The following NDST4 variants were observed in gnomAD, a reference collection of about 807,000 sequenced individuals.
NDST4 encodes the protein N-deacetylase and N-sulfotransferase 4, also known as N-heparan sulfate sulfotransferase 4.
In NDST4, 63 loss-of-function variants were observed where a neutral mutation model predicts 100.8. The observed-to-expected ratio is 0.62, with a 90% confidence interval of 0.51 to 0.77. NDST4 has a LOEUF of 0.77. NDST4 is among the 30% of genes least tolerant of loss of function. The pLI is 0.00. For missense variants in NDST4, 943 were observed against 1,018.4 expected (o/e 0.93, Z 1.01); for synonymous variants, 377 against 361.8 (o/e 1.04, Z -0.48).
intron 6 of NDST4, among the ~76,000 whole-genome samples, chr4:114,905,255 G>C (rs533696611): frequency 7.8e-6 from 1 of 128,124 alleles, no homozygotes; most frequent in Non-Finnish European, 1.5e-5. Context: ...TTGCTAATTG[G>C]TGGAAATAAA....
chr4:114,917,893 A>G (rs1373726605), intron 6 of NDST4, among the ~76,000 whole-genome samples: 5 of 152,210 alleles, frequency 3.3e-5, no homozygotes, highest in East Asian at 1.9e-4. Flanking sequence ...CATAGAAAGC[A>G]TTTGGAAGAT....
At chr4:115,073,096 C>A (rs551450471) in intron 2 of NDST4, among the ~76,000 whole-genome samples, 1 of 151,870 alleles carries the variant, frequency 6.6e-6, no homozygotes, top group African/African-American at 2.4e-5. Context: ...CAGGGAAATG[C>A]GTGTCAAAAC....
chr4:114,859,197 C>T (rs60274600), intron 7 of NDST4, among the ~76,000 whole-genome samples: 4,033 of 152,214 alleles, frequency 0.026, 186 homozygotes, highest in South Asian at 0.17. Flanking sequence ...AGAGGAGAGT[C>T]AGTGAGACAA....
intron 2 of NDST4, among the ~76,000 whole-genome samples, chr4:115,029,442 A>C (rs1342503878): frequency 6.6e-6 from 1 of 152,086 alleles, no homozygotes; most frequent in Non-Finnish European, 1.5e-5. Context: ...TGACTAAGTA[A>C]GTCTAGATTG....
chr4:115,020,733 C>T (rs889312936), intron 2 of NDST4, among the ~76,000 whole-genome samples: 2 of 151,686 alleles, frequency 1.3e-5, no homozygotes, highest in African/African-American at 4.9e-5. Context: ...AACAAAAAAT[C>T]CCTTAAAAAG....
intron 2 of NDST4, among the ~76,000 whole-genome samples, chr4:115,019,553 G>C (rs903329813): frequency 6.6e-6 from 1 of 152,092 alleles, no homozygotes; most frequent in Admixed American, 6.6e-5. Flanking sequence ...CAGTATGTAC[G>C]AGGCCTAGCC....
intron 4 of NDST4, among the ~76,000 whole-genome samples, chr4:114,959,879 A>G (rs1490574304): frequency 1.3e-5 from 2 of 152,226 alleles, no homozygotes; most frequent in Non-Finnish European, 2.9e-5. Flanking sequence ...TATTCAAAAA[A>G]TTATTTCCTA....
At chr4:115,036,201 TA>T (rs2074712123) in intron 2 of NDST4, among the ~76,000 whole-genome samples, 2 of 151,720 alleles carry the variant, frequency 1.3e-5, no homozygotes, top group South Asian at 4.1e-4. Flanking sequence ...AAATGTTTTC[TA>T]ATTTGACTAC....
At chr4:115,011,504 A>G (rs964361399) in intron 2 of NDST4, among the ~76,000 whole-genome samples, 1 of 151,844 alleles carries the variant, frequency 6.6e-6, no homozygotes, top group East Asian at 1.9e-4. Context: ...CACTTCCTTA[A>G]AATGGTTGGT....
intron 1 of NDST4, among the ~76,000 whole-genome samples, chr4:115,112,077 T>TCACA (rs376921280): frequency 6.7e-6 from 1 of 148,564 alleles, no homozygotes; most frequent in Non-Finnish European, 1.5e-5. Flanking sequence ...AACTTGCTAC[T>TCACA]CACACACACA....
At chr4:115,111,576 T>C (rs920284478) in intron 1 of NDST4, among the ~76,000 whole-genome samples, 1 of 151,704 alleles carries the variant, frequency 6.6e-6, no homozygotes, top group African/African-American at 2.4e-5. Context: ...GCATTTTTAT[T>C]TATTATTTAT....
chr4:114,861,505 T>C (rs1309572439), intron 7 of NDST4, among the ~76,000 whole-genome samples: 2 of 152,194 alleles, frequency 1.3e-5, no homozygotes, highest in African/African-American at 2.4e-5. Context: ...TAAATCTCAC[T>C]GATGGATTGC....
chr4:114,973,020 A>T lies in NDST4; in HGVS notation c.1067-2436T>A, dbSNP rs530189431. 8.5e-5 allele frequency among the ~76,000 whole-genome samples: 13 copies of T among 152,114 alleles called. 1 individual carries two copies. The East Asian group carries it at 1.9e-3, about 23-fold the overall frequency. ...TTTTTGTCAGCTTTTCTCTTGTTTTATGCTGGTCATATAATTCAAAGCCAC... is the reference window on the plus strand; with the variant it reads ...TTTTTGTCAGCTTTTCTCTTGTTTTTTGCTGGTCATATAATTCAAAGCCAC... On this transcript the variant is annotated intron_variant, in intron 3 of 13. Transcript: ENST00000264363.
intron 2 of NDST4, among the ~76,000 whole-genome samples, chr4:115,065,659 G>A (rs1728931576): frequency 6.6e-6 from 1 of 151,852 alleles, no homozygotes; most frequent in Non-Finnish European, 1.5e-5. Context: ...CAACTCCCTG[G>A]TTCAAACAAT....
chr4:115,041,518 G>A (rs184062349), intron 2 of NDST4, among the ~76,000 whole-genome samples: 123 of 152,112 alleles, frequency 8.1e-4, no homozygotes, highest in Middle Eastern at 3.4e-3. Context: ...GTGATTTCTG[G>A]TTAGCTGTGT....
At chr4:114,845,103 G>A (rs1365345093) in intron 10 of NDST4, among the ~76,000 whole-genome samples, 2 of 152,162 alleles carry the variant, frequency 1.3e-5, no homozygotes, top group Non-Finnish European at 2.9e-5. Flanking sequence ...GCTGAGGTTG[G>A]TGGATTGCTC....
rs1227310987 is a variant in NDST4 at position 114,929,041 on chromosome 4, TGTCCGTCC to T, written c.1536+6157_1536+6164del. On this transcript the variant is annotated intron_variant, in intron 6 of 13. Coordinates refer to ENST00000264363, the MANE Select transcript of NDST4 (RefSeq NM_022569.3). ...CTATCTATCTGTCTGTCTGTCTGTC[TGTCCGTCC>T]GTCCGTCCGTCCGTCCGTCCGTCCG... Among the ~76,000 whole-genome samples, 98 of 122,048 alleles carry T rather than the reference TGTCCGTCC, an allele frequency of 8.0e-4. 2 individuals carry two copies. Among genetic ancestry groups the T allele is most frequent in the South Asian group, 6.3e-3 (19 of 3,008 alleles). The allele number at this position is 122,048 out of a possible 152,430, so 80.1% of individuals were successfully genotyped here. A position where few individuals can be genotyped will look rare whatever the true frequency, so the allele number is the denominator to read the frequency against.
chr4:115,062,847 A>G (rs1560585577), intron 2 of NDST4, among the ~76,000 whole-genome samples: 1 of 151,932 alleles, frequency 6.6e-6, no homozygotes, highest in Non-Finnish European at 1.5e-5. Context: ...GGCTATAGGT[A>G]TCAATGTGGG....
chr4:114,902,871 T>C (rs1489117702), intron 6 of NDST4, among the ~76,000 whole-genome samples: 1 of 152,092 alleles, frequency 6.6e-6, no homozygotes, highest in Non-Finnish European at 1.5e-5. Context: ...ATCAAGAGAA[T>C]TCTTCATTTT....
Sources: gnomAD v4.1 joint callset for allele counts (sites outside exome capture counted in the v4.1 genomes callset) on GRCh38, gnomAD v4.1.1 for gene constraint, MANE v1.5 for transcripts, NCBI Gene and HGNC (gene_info 2026-07-23, HGNC 2026-07-21) for gene names.